FHIT: variants seen among roughly 807,000 people sequenced by gnomAD.
The protein encoded by FHIT is fragile histidine triad diadenosine triphosphatase, also known as bis(5'-adenosyl)-triphosphatase.
In FHIT, 19 loss-of-function variants were observed where a neutral mutation model predicts 17.9. The ratio of observed to expected loss-of-function variants is 1.06; its 90% confidence interval spans 0.74 to 1.56. FHIT has a LOEUF of 1.56. FHIT is among the 40% of genes most tolerant of loss of function. The pLI is 0.00. For synonymous variants in FHIT, 81 were observed against 69.7 expected (o/e 1.16, Z -0.81); for missense variants, 248 against 189.2 (o/e 1.31, Z -1.82).
At chr3:60,456,059 G>A (rs1167986514) in intron 5 of FHIT, among the ~76,000 whole-genome samples, 2 of 152,080 alleles carry the variant, frequency 1.3e-5, no homozygotes, top group East Asian at 3.9e-4. Flanking sequence ...CACTGCCAGT[G>A]AGCTAGAATA....
At chr3:60,272,570 G>C (rs1350711131) in intron 5 of FHIT, among the ~76,000 whole-genome samples, 1 of 152,144 alleles carries the variant, frequency 6.6e-6, no homozygotes, top group African/African-American at 2.4e-5. Context: ...TACAGAAAGG[G>C]GGACAAACCG....
chr3:61,146,079 A>T (rs2037218455), intron 2 of FHIT, among the ~76,000 whole-genome samples: 1 of 152,042 alleles, frequency 6.6e-6, no homozygotes, highest in African/African-American at 2.4e-5. Flanking sequence ...CTTCAGGCTG[A>T]TGATCACTCT....
chr3:60,577,202 A>T (rs1265160499), intron 4 of FHIT, among the ~76,000 whole-genome samples: 1 of 152,108 alleles, frequency 6.6e-6, no homozygotes, highest in Non-Finnish European at 1.5e-5. Flanking sequence ...GCCCTCCCAA[A>T]TTAACACTGA....
intron 4 of FHIT, among the ~76,000 whole-genome samples, chr3:60,721,117 A>G (rs942237600): frequency 9.2e-5 from 14 of 151,930 alleles, no homozygotes; most frequent in African/African-American, 3.4e-4. Context: ...ATTAATTCCT[A>G]CTGCTAAAAA....
intron 4 of FHIT, among the ~76,000 whole-genome samples, chr3:60,595,593 GTA>G (rs2038241010): frequency 6.7e-6 from 1 of 149,400 alleles, no homozygotes; most frequent in African/African-American, 2.5e-5. Flanking sequence ...ATACGTATGT[GTA>G]TATACGTGTA....
At chr3:60,423,569 T>C (rs1702555427) in intron 5 of FHIT, among the ~76,000 whole-genome samples, 1 of 152,198 alleles carries the variant, frequency 6.6e-6, no homozygotes, top group African/African-American at 2.4e-5. Context: ...AAATGTTTAG[T>C]AATGTTTCCC....
rs543075450 is a variant in FHIT, at chr3:59,938,946, C to T, written c.280-16532G>A. 1.5e-4 allele frequency among the ~76,000 whole-genome samples: 23 copies of T among 152,234 alleles called. No homozygotes were observed. In the East Asian group the frequency reaches 4.4e-3, roughly 29 times the overall value. ...GTCTAGAATGATGGTGCTGGGAGCACCCAGAGAGCTGCATATCATCTCAGC... is the reference window on the plus strand; with the variant it reads ...GTCTAGAATGATGGTGCTGGGAGCATCCAGAGAGCTGCATATCATCTCAGC... On this transcript the variant is annotated intron_variant, in intron 7 of 9. Transcript: ENST00000492590.
rs77657109 is a variant in FHIT at position 59,967,223 on chromosome 3, C to T, written c.279+44148G>A. Reference sequence around the variant, plus strand: ...TCTTCTGCAATAGTCCCTGAAGGACCTGCTTGAAGCGGTTTTAAAGTTATC... The same window carrying T: ...TCTTCTGCAATAGTCCCTGAAGGACTTGCTTGAAGCGGTTTTAAAGTTATC... On this transcript the variant is annotated intron_variant, in intron 7 of 9. Transcript: ENST00000492590. 4.9e-3 allele frequency among the ~76,000 whole-genome samples: 746 copies of T among 152,164 alleles called. 6 individuals carry two copies. Among genetic ancestry groups the T allele is most frequent in the East Asian group, 0.045 (233 of 5,168 alleles).
intron 5 of FHIT, among the ~76,000 whole-genome samples, chr3:60,173,887 A>ATATATATATG: frequency 1.6e-5 from 1 of 61,908 alleles, no homozygotes; most frequent in Non-Finnish European, 2.8e-5. Flanking sequence ...TGTTTCTAAT[A>ATATATATATG]TATATATATA....
At chr3:61,192,952 G>A (rs2038757943) in intron 2 of FHIT, among the ~76,000 whole-genome samples, 1 of 152,170 alleles carries the variant, frequency 6.6e-6, no homozygotes, top group African/African-American at 2.4e-5. Flanking sequence ...TCCCTCCTGT[G>A]TATACTGTTC....
At chr3:60,282,497 C>A (rs952618368) in intron 5 of FHIT, among the ~76,000 whole-genome samples, 2 of 152,146 alleles carry the variant, frequency 1.3e-5, no homozygotes, top group Non-Finnish European at 2.9e-5. Flanking sequence ...GGTGGATACA[C>A]GACAATATGC....
At chr3:61,004,543 T>G (rs564352428) in intron 3 of FHIT, among the ~76,000 whole-genome samples, 57 of 152,326 alleles carry the variant, frequency 3.7e-4, no homozygotes, top group Middle Eastern at 3.4e-3. Flanking sequence ...GAAGGAGCAC[T>G]GACCAGAACT....
chr3:60,237,775 A>G (rs1384287214), intron 5 of FHIT, among the ~76,000 whole-genome samples: 2 of 152,174 alleles, frequency 1.3e-5, no homozygotes, highest in Non-Finnish European at 2.9e-5. Flanking sequence ...TTATTTTAGG[A>G]AAAGCTCTGG....
At chr3:61,203,787 A>T (rs1450986327) in intron 1 of FHIT, among the ~76,000 whole-genome samples, 1 of 152,246 alleles carries the variant, frequency 6.6e-6, no homozygotes, top group Non-Finnish European at 1.5e-5. Context: ...GGCATTAAAG[A>T]TATGCACTAA....
intron 4 of FHIT, among the ~76,000 whole-genome samples, chr3:60,538,360 C>A (rs2036062610): frequency 6.6e-6 from 1 of 152,308 alleles, no homozygotes; most frequent in South Asian, 2.1e-4. Flanking sequence ...AATGGCCATA[C>A]TGTCCAAGGT....
At chr3:60,913,733 G>A (rs1372479759) in intron 3 of FHIT, among the ~76,000 whole-genome samples, 1 of 152,192 alleles carries the variant, frequency 6.6e-6, no homozygotes, top group Non-Finnish European at 1.5e-5. Flanking sequence ...ACTGCAAGAT[G>A]CAAGCTGGCT....
At chr3:60,349,918 C>G (rs1057126419) in intron 5 of FHIT, among the ~76,000 whole-genome samples, 1 of 152,146 alleles carries the variant, frequency 6.6e-6, no homozygotes, top group African/African-American at 2.4e-5. Flanking sequence ...CATCTGTTTT[C>G]TCAAGCAGTT....
intron 1 of FHIT, among the ~76,000 whole-genome samples, chr3:61,211,898 G>A (rs914002856): frequency 4.6e-5 from 7 of 152,222 alleles, no homozygotes; most frequent in African/African-American, 1.2e-4. Context: ...GGCAAACAGA[G>A]TCTGGAGTGG....
intron 5 of FHIT, among the ~76,000 whole-genome samples, chr3:60,093,833 C>A (rs1051994430): frequency 2.0e-5 from 3 of 152,176 alleles, no homozygotes; most frequent in African/African-American, 7.2e-5. Context: ...AAATTGTCTT[C>A]CATGAAACAA....
Sources: allele counts gnomAD v4.1 joint callset (sites outside exome capture counted in the v4.1 genomes callset), GRCh38; gene constraint gnomAD v4.1.1; transcripts MANE v1.5; gene names NCBI Gene and HGNC (gene_info 2026-07-23, HGNC 2026-07-21).